The following PDE1C variants were observed in gnomAD, a reference collection of about 807,000 sequenced individuals.
PDE1C encodes the protein dual specificity calcium/calmodulin-dependent 3',5'-cyclic nucleotide phosphodiesterase 1C.
Under a neutral mutation model 93.1 loss-of-function variants are expected in PDE1C, and 62 were observed. That is an observed-to-expected ratio of 0.67 (90% CI 0.54 to 0.82). The LOEUF (loss-of-function observed/expected upper bound fraction) is 0.82, where lower values mean the gene tolerates loss of function less well. Ranked by LOEUF, PDE1C falls within the 40% of genes least tolerant of loss-of-function variation. The probability of loss-of-function intolerance (pLI) is 0.00; values close to 1 mark genes in which losing one functional copy is unlikely to be tolerated. For missense variants in PDE1C, 742 were observed against 884.6 expected (o/e 0.84, Z 2.04); for synonymous variants, 325 against 310.1 (o/e 1.05, Z -0.50).
At chr7:31,738,716 G>A in the PDE1C span, among the ~76,000 whole-genome samples, 1 of 152,142 alleles carries the variant, frequency 6.6e-6, no homozygotes. Context: ...TGGCCAGCTG[G>A]TGAGGAAAAA....
chr7:32,335,532 G>T (rs1327055140), intron 1 of PDE1C, among the ~76,000 whole-genome samples: 1 of 152,092 alleles, frequency 6.6e-6, no homozygotes, highest in Non-Finnish European at 1.5e-5. Flanking sequence ...AACAAAGTTG[G>T]CTTCTCCTGA....
chr7:32,297,781 G>A (rs2128900419), intron 1 of PDE1C, among the ~76,000 whole-genome samples: 2 of 152,212 alleles, frequency 1.3e-5, no homozygotes, highest in African/African-American at 4.8e-5. Context: ...AGACACCACA[G>A]CTTTTTCTCA....
At chr7:32,302,386 A>C (rs2128902424), upstream of PDE1C, among the ~76,000 whole-genome samples, 1 of 152,358 alleles carries the variant, frequency 6.6e-6, no homozygotes, top group South Asian at 2.1e-4. Flanking sequence ...AAGACTAATT[A>C]GGTTAAGATT....
chr7:31,982,227 A>G (rs1812484775), intron 2 of PDE1C, among the ~76,000 whole-genome samples: 1 of 152,234 alleles, frequency 6.6e-6, no homozygotes, highest in Non-Finnish European at 1.5e-5. Context: ...CTAGACAGGC[A>G]GTGTTGTCAC....
chr7:31,777,375 C>T (rs1465963925), intron 16 of PDE1C, among the ~76,000 whole-genome samples: 5 of 152,074 alleles, frequency 3.3e-5, no homozygotes, highest in African/African-American at 1.2e-4. Flanking sequence ...GTTGCCCAGG[C>T]TGGAGTGCAG....
intron 11 of PDE1C, among the ~76,000 whole-genome samples, chr7:31,829,058 G>A (rs1433430552): frequency 1.3e-5 from 2 of 151,980 alleles, no homozygotes; most frequent in African/African-American, 4.8e-5. Flanking sequence ...CTAAAAACTT[G>A]GGCCAGAGGC....
rs528195016 is a variant in PDE1C at position 32,324,359 on chromosome 7, T to C, written c.310+103463A>G. On this transcript the variant is annotated intron_variant, in intron 1 of 1. Transcript: ENST00000672256. Reference sequence around the variant, plus strand: ...GACCCTAAAGCCAACCCCAGCCTTTTTCAACCTCATAATTATTCTAAATTT... The same window carrying C: ...GACCCTAAAGCCAACCCCAGCCTTTCTCAACCTCATAATTATTCTAAATTT... Among the ~76,000 whole-genome samples the C allele has an allele frequency of 4.6e-5, 7 of 152,300 alleles. No homozygotes were observed. In the South Asian group the frequency reaches 1.2e-3, roughly 27 times the overall value.
intron 12 of PDE1C, among the ~76,000 whole-genome samples, chr7:31,826,094 G>A (rs1789623572): frequency 6.6e-6 from 1 of 152,202 alleles, no homozygotes; most frequent in Admixed American, 6.5e-5. Flanking sequence ...AATAGGAGCT[G>A]AAGCTAGTGG....
At chr7:32,310,746 C>T (rs1159865756) in intron 1 of PDE1C, among the ~76,000 whole-genome samples, 1 of 151,664 alleles carries the variant, frequency 6.6e-6, no homozygotes, top group African/African-American at 2.4e-5. Context: ...GGGACGCATT[C>T]AAAGCAGTGT....
chr7:32,019,677 G>A (rs759673994), intron 2 of PDE1C, among the ~76,000 whole-genome samples: 10 of 152,036 alleles, frequency 6.6e-5, no homozygotes, highest in Non-Finnish European at 1.2e-4. Context: ...TAGGGAGGCA[G>A]CTAGATTCAA....
rs145424013 is a variant in PDE1C at position 32,252,892 on chromosome 7, G to C, written c.86-43353C>G. On this transcript the variant is annotated intron_variant, in intron 1 of 18. Coordinates refer to the PDE1C transcript ENST00000396193. ...CCAGTTACTGTAAAAGTTTTTAAAT[G>C]CTTGACCTCTATTTGTGTCCCTTCT... 5.3e-5 allele frequency among the ~76,000 whole-genome samples: 8 copies of C among 152,326 alleles called. No homozygotes were observed. In the East Asian group the frequency reaches 1.3e-3, roughly 26 times the overall value.
intron 16 of PDE1C, among the ~76,000 whole-genome samples, chr7:31,795,578 G>A (rs1357248240): frequency 3.3e-5 from 5 of 151,782 alleles, no homozygotes; most frequent in Non-Finnish European, 7.4e-5. Flanking sequence ...AGCAATAATT[G>A]CAAAAGAAAA....
chr7:32,253,947 A>C (rs1809587865), intron 1 of PDE1C, among the ~76,000 whole-genome samples: 1 of 152,170 alleles, frequency 6.6e-6, no homozygotes. Context: ...ACACCATCCT[A>C]GGGAGAGGGA....
At chr7:31,858,710 T>A (rs1024583560) in intron 7 of PDE1C, among the ~76,000 whole-genome samples, 3 of 152,150 alleles carry the variant, frequency 2.0e-5, no homozygotes, top group Non-Finnish European at 4.4e-5. Flanking sequence ...CTAGTCATGA[T>A]TACTTATGTT....
intron 2 of PDE1C, among the ~76,000 whole-genome samples, chr7:32,182,190 G>T (rs1342630362): frequency 6.6e-6 from 1 of 152,212 alleles, no homozygotes; most frequent in Non-Finnish European, 1.5e-5. Flanking sequence ...TCCAGGACCA[G>T]ATGGATTCAC....
chr7:32,305,126 G>T (rs1012228676), intron 1 of PDE1C, among the ~76,000 whole-genome samples: 2 of 152,198 alleles, frequency 1.3e-5, no homozygotes, highest in Non-Finnish European at 2.9e-5. Flanking sequence ...GGCTTGCACA[G>T]CGCCTGCTCA....
At chr7:31,795,132 G>C (rs1785121861) in intron 16 of PDE1C, among the ~76,000 whole-genome samples, 1 of 151,882 alleles carries the variant, frequency 6.6e-6, no homozygotes, top group Non-Finnish European at 1.5e-5. Flanking sequence ...AATACTTGCT[G>C]AATACTGCAT....
rs150845734 is a variant in PDE1C, at chr7:32,190,166, T to C, written c.136+19323A>G. Reference sequence around the variant, plus strand: ...ACCTGGAAATTAGGCAATTATTTCATGGGTTTCAAGAATCGCAGCTGCAAA... The same window carrying C: ...ACCTGGAAATTAGGCAATTATTTCACGGGTTTCAAGAATCGCAGCTGCAAA... On this transcript the variant is annotated intron_variant, in intron 2 of 18. Transcript: ENST00000396193. 5.8e-3 allele frequency among the ~76,000 whole-genome samples: 889 copies of C among 152,346 alleles called. 10 individuals carry two copies. The highest frequency in any genetic ancestry group is 0.02 in the African/African-American group (839 of 41,584).
chr7:32,068,664 G>A (rs1031198997), intron 1 of PDE1C, among the ~76,000 whole-genome samples: 27 of 152,214 alleles, frequency 1.8e-4, no homozygotes, highest in Non-Finnish European at 3.5e-4. Flanking sequence ...AAGTGCTAAT[G>A]CTTTTCCACA....
Sources: allele counts gnomAD v4.1 joint callset (sites outside exome capture counted in the v4.1 genomes callset), GRCh38; gene constraint gnomAD v4.1.1; transcripts MANE v1.5; gene names NCBI Gene and HGNC (gene_info 2026-07-23, HGNC 2026-07-21).